The following IPO7 variants were observed in gnomAD, a reference collection of about 807,000 sequenced individuals.
IPO7 encodes importin 7, also known as importin-7.
A neutral mutation model predicts 136.4 loss-of-function variants in IPO7; 13 were observed. The ratio of observed to expected loss-of-function variants is 0.10; its 90% CI spans 0.06 to 0.15. The LOEUF is 0.15. Among genes scored for constraint, IPO7 ranks in the 10% least tolerant of loss-of-function variants. The pLI, the probability that IPO7 is intolerant of heterozygous loss-of-function variation, is 1.00. For missense variants in IPO7, 857 were observed against 1,240.6 expected, an observed-to-expected ratio of 0.69 and a Z score of 4.65; for synonymous variants, 403 against 404.4, an observed-to-expected ratio of 1.00 and a Z score of 0.04.
intron 1 of IPO7, among the ~76,000 whole-genome samples, chr11:9,385,389 C>CT (rs1162543616): frequency 6.6e-6 from 1 of 152,170 alleles, no homozygotes; most frequent in Non-Finnish European, 1.5e-5. Context: ...CTAGGGAAGG[C>CT]TTTCAAAGGC....
chr11:9,397,341 A>AAAAAAAAAAAAAAAAAAAAATATATAT, intron 1 of IPO7, among the ~76,000 whole-genome samples: 4 of 10,760 alleles, frequency 3.7e-4, no homozygotes, highest in Non-Finnish European at 5.5e-4. Context: ...TTTAAAAAAA[A>AAAAAAAAAAAAAAAAAAAAATATATAT]ATATATATAT....
chr11:9,419,760 C>T (rs899727629), intron 6 of IPO7, among the ~76,000 whole-genome samples: 6 of 151,448 alleles, frequency 4.0e-5, no homozygotes, highest in Non-Finnish European at 5.9e-5. Context: ...ATACACAAAT[C>T]GTTGCGCATT....
At chr11:9,429,430 C>T (rs113205828) in intron 14 of IPO7, among the ~76,000 whole-genome samples, 25 of 151,806 alleles carry the variant, frequency 1.6e-4, no homozygotes, top group Admixed American at 6.6e-4. Context: ...CACTAGAGCC[C>T]GACGGTTCGA....
intron 1 of IPO7, 38 bp from the exon 2 acceptor site, chr11:9,403,252 A>T (rs772054647): frequency 2.4e-5 from 32 of 1,349,008 alleles, no homozygotes; most frequent in Non-Finnish European, 3.4e-5. Context: ...AAGTATATTT[A>T]TTTGCAGAAG....
intron 14 of IPO7, 139 bp downstream of exon 14, chr11:9,429,335 C>A: frequency 2.8e-6 from 2 of 707,712 alleles, no homozygotes; most frequent in Non-Finnish European, 4.7e-6. Context: ...GGCAACATCT[C>A]TACAAAAAAA....
chr11:9,388,771 T>C lies in IPO7; in HGVS notation c.84+3924T>C, dbSNP rs74662739. Among the ~76,000 whole-genome samples the C allele has an allele frequency of 2.2e-3, 342 of 152,112 alleles. 14 individuals carry two copies. The East Asian group carries it at 0.062, about 27-fold the overall frequency. ...CAGTGGGCTCCACTGCACTACATAG[T>C]ACACTACAGCCTAGAACTCTTGGCC... is the stretch of plus-strand genomic sequence containing the variant. On this transcript the variant is annotated intron_variant, in intron 1 of 24. Coordinates refer to ENST00000379719, the MANE Select transcript of IPO7 (RefSeq NM_006391.3).
chr11:9,392,670 CG>C (rs1433794616), intron 1 of IPO7, among the ~76,000 whole-genome samples: 1 of 151,478 alleles, frequency 6.6e-6, no homozygotes, highest in East Asian at 2.0e-4. Context: ...CAGTTTTGGC[CG>C]GGTGCGGTGG....
intron 3 of IPO7, 65 bp downstream of exon 3, chr11:9,408,704 GTTTTTTTTTTTTT>G (rs377057603): frequency 2.3e-5 from 4 of 172,848 alleles, no homozygotes; most frequent in East Asian, 1.8e-4. Flanking sequence ...TTGTTTTTTG[GTTTTTTTTTTTTT>G]TTTTTTTTTT....
intron 2 of IPO7, among the ~76,000 whole-genome samples, chr11:9,408,076 T>G (rs1008413943): frequency 1.4e-4 from 21 of 152,190 alleles, no homozygotes; most frequent in African/African-American, 5.1e-4. Flanking sequence ...TAAGAACTGG[T>G]TTTTTTATTA....
intron 15 of IPO7, 33 bp downstream of exon 15, chr11:9,429,867 AT>A: frequency 2.0e-6 from 3 of 1,501,060 alleles, no homozygotes; most frequent in African/African-American, 1.4e-5. Flanking sequence ...ATTTGCAAGC[AT>A]TTTAATGTAG....
At chr11:9,440,344 C>T (rs568364101) in intron 22 of IPO7, 111 bp from the exon 23 acceptor site, 3 of 846,816 alleles carry the variant, frequency 3.5e-6, no homozygotes, top group Admixed American at 2.1e-5. Context: ...CTGGAGCTCT[C>T]TCTTGTCACT....
intron 16 of IPO7, among the ~76,000 whole-genome samples, chr11:9,432,493 G>T (rs991059864): frequency 6.6e-6 from 1 of 152,148 alleles, no homozygotes; most frequent in Non-Finnish European, 1.5e-5. Flanking sequence ...GAGCCACCAC[G>T]CCAGCCACGT....
In IPO7 at chr11:9,397,332, T is replaced by TAAAAAAAAAAAAAAA. The variant is rs757736784; in HGVS notation, c.85-5958_85-5957insAAAAAAAAAAAAAAA. ...AAACCCCGTCTTTACTAAAAATAAT[T>TAAAAAAAAAAAAAAA]TAAAAAAAAATATATATATATATAT... is the stretch of plus-strand genomic sequence containing the variant. On this transcript the variant is annotated intron_variant, in intron 1 of 24. Transcript: ENST00000379719. Among the ~76,000 whole-genome samples, 87 of 12,126 alleles carry TAAAAAAAAAAAAAAA rather than the reference T, an allele frequency of 7.2e-3. 36 individuals are homozygous for TAAAAAAAAAAAAAAA. Among genetic ancestry groups the TAAAAAAAAAAAAAAA allele is most frequent in the East Asian group, 0.015 (2 of 132 alleles). 8.0% of individuals were successfully genotyped at this position (12,126 alleles called of 152,430 possible).
At chr11:9,407,559 A>C (rs1333512956) in intron 2 of IPO7, among the ~76,000 whole-genome samples, 2 of 152,166 alleles carry the variant, frequency 1.3e-5, no homozygotes, top group African/African-American at 4.8e-5. Context: ...ATCTCATAAA[A>C]ATACCTTGTT....
In IPO7 at chr11:9,440,435, C is replaced by T. The variant is rs1565005235; in HGVS notation, c.2696-20C>T. ...AAAATATGTCATTGTTATAAAAGTA[C>T]TTATATTATGACTTGGCAGAGGAAC... is the stretch of plus-strand genomic sequence containing the variant. On this transcript the variant is annotated intron_variant, in intron 22 of 24. Transcript: ENST00000379719. 3 of 1,580,900 alleles carry T rather than the reference C, an allele frequency of 1.9e-6. No homozygotes were observed. Among genetic ancestry groups the T allele is most frequent in the Non-Finnish European group, 2.6e-6 (3 of 1,150,138 alleles).
intron 2 of IPO7, among the ~76,000 whole-genome samples, chr11:9,407,933 CAG>C (rs1375945155): frequency 6.6e-6 from 1 of 152,162 alleles, no homozygotes; most frequent in Non-Finnish European, 1.5e-5. Context: ...TGATAACTGA[CAG>C]AAAAATAGCA....
rs1855210959 is a variant in IPO7 at position 9,426,525 on chromosome 11, A to ACT, written c.1335+1263_1335+1264insCT. Reference sequence around the variant, plus strand: ...CATTTTTCATGGGTATATACCTAGGAGTATGAATTGCTTGTCATAATTTGA... The same window carrying ACT: ...CATTTTTCATGGGTATATACCTAGGACTGTATGAATTGCTTGTCATAATTTGA... On this transcript the variant is annotated intron_variant, in intron 12 of 24. Transcript: ENST00000379719. 2.6e-5 allele frequency among the ~76,000 whole-genome samples: 4 copies of ACT among 152,130 alleles called. No homozygotes were observed. In the South Asian group the frequency reaches 8.3e-4, roughly 32 times the overall value.
At chr11:9,436,722 G>A (rs530880624) in intron 20 of IPO7, among the ~76,000 whole-genome samples, 1 of 147,942 alleles carries the variant, frequency 6.8e-6, no homozygotes, top group Admixed American at 6.8e-5. Context: ...TTGCTCTGTT[G>A]CCCAGACTGG....
chr11:9,399,210 C>G (rs1165042981), intron 1 of IPO7, among the ~76,000 whole-genome samples: 1 of 149,480 alleles, frequency 6.7e-6, no homozygotes, highest in African/African-American at 2.5e-5. Context: ...GTTGCCCAGG[C>G]TGGAGTACAA....
Sources: gnomAD v4.1 joint callset for allele counts (sites outside exome capture counted in the v4.1 genomes callset) on GRCh38, gnomAD v4.1.1 for gene constraint, MANE v1.5 for transcripts, NCBI Gene and HGNC (gene_info 2026-07-23, HGNC 2026-07-21) for gene names.